The following ATRNL1 variants were observed in gnomAD, a reference collection of about 807,000 sequenced individuals.
ATRNL1 encodes attractin like 1.
ATRNL1 carries 95 observed loss-of-function variants against 182.7 expected under a neutral mutation model. That is an observed-to-expected ratio of 0.52 (90% confidence interval 0.44 to 0.62). The LOEUF (loss-of-function observed/expected upper bound fraction) is 0.62. Among genes scored for constraint, ATRNL1 ranks in the 20% least tolerant of loss-of-function variants. The probability of loss-of-function intolerance (pLI) is 0.00; values close to 1 mark genes in which losing one functional copy is unlikely to be tolerated. For synonymous variants in ATRNL1, 576 were observed against 568.3 expected, an observed-to-expected ratio of 1.01 and a Z score of -0.19; for missense variants, 1,471 against 1,679.5, an observed-to-expected ratio of 0.88 and a Z score of 2.17.
chr10:115,574,730 G>A (rs1353571081), intron 26 of ATRNL1, among the ~76,000 whole-genome samples: 1 of 152,132 alleles, frequency 6.6e-6, no homozygotes, highest in African/African-American at 2.4e-5. Flanking sequence ...TGATACCAAA[G>A]CCAGTTAAGG....
chr10:115,717,422 T>G (rs1947286687), intron 26 of ATRNL1, among the ~76,000 whole-genome samples: 1 of 152,130 alleles, frequency 6.6e-6, no homozygotes, highest in Non-Finnish European at 1.5e-5. Flanking sequence ...TATTATACTT[T>G]GGCCAGTCTG....
intron 8 of ATRNL1, among the ~76,000 whole-genome samples, chr10:115,204,711 C>G (rs1848730755): frequency 6.6e-6 from 1 of 151,846 alleles, no homozygotes; most frequent in Non-Finnish European, 1.5e-5. Flanking sequence ...AATATTTTTC[C>G]TTCTATATTT....
chr10:115,314,228 C>T (rs782628017), intron 17 of ATRNL1, among the ~76,000 whole-genome samples: 3 of 152,106 alleles, frequency 2.0e-5, no homozygotes, highest in Admixed American at 6.6e-5. Context: ...GATACGTACT[C>T]TCTACCTTCC....
intron 26 of ATRNL1, among the ~76,000 whole-genome samples, chr10:115,611,506 A>G (rs1261091954): frequency 2.6e-5 from 4 of 152,124 alleles, no homozygotes; most frequent in Admixed American, 2.6e-4. Context: ...TATTAAGTAC[A>G]CTTATAAATT....
At chr10:115,392,449 C>G (rs183164841) in intron 19 of ATRNL1, among the ~76,000 whole-genome samples, 1 of 152,090 alleles carries the variant, frequency 6.6e-6, no homozygotes, top group Non-Finnish European at 1.5e-5. Context: ...AATAATTAAA[C>G]TTGTCTAGAT....
intron 15 of ATRNL1, 138 bp from the exon 16 acceptor site, chr10:115,299,896 T>C (rs1204574346): frequency 3.1e-5 from 18 of 579,864 alleles, no homozygotes; most frequent in Non-Finnish European, 4.8e-5. Context: ...TAATTATTCT[T>C]AGTACTAAAA....
At chr10:115,419,250 T>A (rs1239516851) in intron 20 of ATRNL1, among the ~76,000 whole-genome samples, 1 of 152,194 alleles carries the variant, frequency 6.6e-6, no homozygotes, top group African/African-American at 2.4e-5. Context: ...TTTTTGTGAG[T>A]CTCATGGTAA....
chr10:115,482,298 A>C (rs576566969), intron 24 of ATRNL1, among the ~76,000 whole-genome samples: 1 of 151,166 alleles, frequency 6.6e-6, no homozygotes, highest in South Asian at 2.1e-4. Context: ...CTATGTGTAA[A>C]TCTGTAGGTT....
chr10:115,657,615 A>T (rs1370775902), intron 26 of ATRNL1, among the ~76,000 whole-genome samples: 1 of 152,232 alleles, frequency 6.6e-6, no homozygotes, highest in Non-Finnish European at 1.5e-5. Flanking sequence ...GATGGTTCAC[A>T]GTGGGGAAAG....
rs532828581 is a variant in ATRNL1 at position 115,770,145 on chromosome 10, T to A, written c.3903+42790T>A. ...ACTATTACCTGAAGGGTTTTTTTTT[T>A]AAAACTAAAAAAAACAAGAGAAAGT... On this transcript the variant is annotated intron_variant, in intron 27 of 28. Coordinates refer to ENST00000355044, the MANE Select transcript of ATRNL1 (RefSeq NM_207303.4). Among the ~76,000 whole-genome samples, 646 of 151,824 alleles carry A rather than the reference T, an allele frequency of 4.3e-3. 2 individuals are homozygous for A. The highest frequency in any genetic ancestry group is 7.1e-3 in the Non-Finnish European group (485 of 67,888).
chr10:115,372,064 G>A (rs631918), intron 19 of ATRNL1, among the ~76,000 whole-genome samples: 56,372 of 152,036 alleles, frequency 0.37, 11,561 homozygotes, highest in African/African-American at 0.55. Context: ...ACCTTCTGCC[G>A]TGATTGTGTG....
intron 19 of ATRNL1, among the ~76,000 whole-genome samples, chr10:115,371,756 A>G (rs1451913568): frequency 6.6e-6 from 1 of 152,118 alleles, no homozygotes; most frequent in African/African-American, 2.4e-5. Flanking sequence ...ACTTGGGGGA[A>G]TGTTGGGAAG....
At chr10:115,783,882 G>A (rs7088912) in intron 27 of ATRNL1, among the ~76,000 whole-genome samples, 39,589 of 151,872 alleles carry the variant, frequency 0.26, 5,208 homozygotes, top group South Asian at 0.36. Flanking sequence ...GCGTGGTGGC[G>A]GGCGCCTGTT....
intron 5 of ATRNL1, among the ~76,000 whole-genome samples, chr10:115,131,743 T>A (rs1165412033): frequency 1.3e-5 from 2 of 152,176 alleles, no homozygotes; most frequent in Non-Finnish European, 2.9e-5. Context: ...TTATTTAGGT[T>A]AGAGTAACAG....
intron 20 of ATRNL1, among the ~76,000 whole-genome samples, chr10:115,397,355 G>T (rs1240337470): frequency 1.3e-5 from 2 of 151,748 alleles, no homozygotes; most frequent in African/African-American, 4.8e-5. Context: ...TTTCTGTTTG[G>T]TTTTAAGTAT....
chr10:115,393,923 T>C (rs1055306093), intron 19 of ATRNL1, among the ~76,000 whole-genome samples: 1 of 152,002 alleles, frequency 6.6e-6, no homozygotes, highest in African/African-American at 2.4e-5. Context: ...ATCATGCAAC[T>C]TTTACAAAAT....
intron 25 of ATRNL1, among the ~76,000 whole-genome samples, chr10:115,521,309 C>G (rs7072943): frequency 0.028 from 4,193 of 152,088 alleles, 223 homozygotes; most frequent in African/African-American, 0.097. Context: ...CGTGCCACCA[C>G]GCCCAGCTAA....
chr10:115,680,112 G>A lies in ATRNL1; in HGVS notation c.3796-47136G>A, dbSNP rs1057431510. ...TGCTAAGTCAATGCCACAGAGTTTA[G>A]GTTTTTGTAACAGCAGCGCTCTACT... On this transcript the variant is annotated intron_variant, in intron 26 of 28. Coordinates refer to ENST00000355044, the MANE Select transcript of ATRNL1 (RefSeq NM_207303.4). 5.3e-5 allele frequency among the ~76,000 whole-genome samples: 8 copies of A among 152,066 alleles called. No individual in the cohort carries two copies. In the East Asian group the frequency reaches 1.5e-3, roughly 29 times the overall value.
In ATRNL1 at chr10:115,583,128, A is replaced by G. The variant is rs1203798776; in HGVS notation, c.3795+33592A>G. ...ATATCTCTGTTTTGGTACCAGTACC[A>G]TGCTGTTTTGGTTACTGTATCCTGG... On this transcript the variant is annotated intron_variant, in intron 26 of 28. Coordinates refer to ENST00000355044, the MANE Select transcript of ATRNL1 (RefSeq NM_207303.4). Among the ~76,000 whole-genome samples the G allele has an allele frequency of 1.5e-4, 23 of 150,242 alleles. 1 individual carries two copies. The highest frequency in any genetic ancestry group is 5.3e-4 in the African/African-American group (22 of 41,242).
Sources: allele counts gnomAD v4.1 joint callset (sites outside exome capture counted in the v4.1 genomes callset), GRCh38; gene constraint gnomAD v4.1.1; transcripts MANE v1.5; gene names NCBI Gene and HGNC (gene_info 2026-07-23, HGNC 2026-07-21).